Variants in TRABD2B observed in about 807,000 individuals in gnomAD.
The protein encoded by TRABD2B is metalloprotease TIKI2.
Under a neutral mutation model 40.1 loss-of-function variants are expected in TRABD2B, and 14 were observed. That is an observed-to-expected ratio of 0.35 (90% CI 0.23 to 0.55). The LOEUF (loss-of-function observed/expected upper bound fraction) is 0.55. Ranked by LOEUF, TRABD2B falls within the 20% of genes least tolerant of loss-of-function variation. The pLI is 0.90. For synonymous variants in TRABD2B, 263 were observed against 277.0 expected, an observed-to-expected ratio of 0.95 and a Z score of 0.50; for missense variants, 541 against 648.6, an observed-to-expected ratio of 0.83 and a Z score of 1.80.
chr1:47,892,598 G>A (rs1348179134), intron 2 of TRABD2B, among the ~76,000 whole-genome samples: 1 of 152,196 alleles, frequency 6.6e-6, no homozygotes, highest in Non-Finnish European at 1.5e-5. Context: ...AGAGTTTAGA[G>A]GTCAGAGAGG....
At chr1:47,987,691 C>G (rs1180592045) in intron 2 of TRABD2B, among the ~76,000 whole-genome samples, 1 of 152,184 alleles carries the variant, frequency 6.6e-6, no homozygotes, top group Non-Finnish European at 1.5e-5. Flanking sequence ...GGGTTCTTCA[C>G]AAACAGCCCT....
chr1:47,785,329 C>G (rs1644581205), intron 4 of TRABD2B, among the ~76,000 whole-genome samples: 1 of 152,100 alleles, frequency 6.6e-6, no homozygotes, highest in Admixed American at 6.5e-5. Context: ...AGCTGAGGGT[C>G]GAAGAGCACT....
intron 2 of TRABD2B, chr1:47,818,256 T>A (rs1570034536): frequency 6.6e-6 from 1 of 152,490 alleles, no homozygotes; most frequent in Non-Finnish European, 1.5e-5. Flanking sequence ...CACCAGCTCA[T>A]GATGCACACA....
Position 47,813,567 on chromosome 1 carries a change from CTT to C in TRABD2B, c.667-11950_667-11949del, listed in dbSNP as rs1644992843. ...TTATTCTGGCTCTTTGGGGCAGACTCTTCTCTTCTCTTTGCTGCGTCTCAGCT... is the reference window on the plus strand; with the variant it reads ...TTATTCTGGCTCTTTGGGGCAGACTCCTCTTCTCTTTGCTGCGTCTCAGCT... On this transcript the variant is annotated intron_variant, in intron 2 of 6. Transcript: ENST00000606738. This position sits in a 1 kb window ranked among gnomAD's most constrained non-coding sequence, Gnocchi z 4.3. 6.6e-6 allele frequency among the ~76,000 whole-genome samples: 1 copy of C among 152,140 alleles called. No individual in the cohort carries two copies. The highest frequency in any genetic ancestry group is 2.1e-4 in the South Asian group (1 of 4,828).
intron 2 of TRABD2B, among the ~76,000 whole-genome samples, chr1:47,971,212 C>T (rs1373857423): frequency 1.3e-5 from 2 of 152,172 alleles, no homozygotes; most frequent in Non-Finnish European, 2.9e-5. Context: ...ATTCAGTGCA[C>T]ATAAGCTAAC....
At chr1:47,789,388 G>A (rs1644639678) in intron 4 of TRABD2B, among the ~76,000 whole-genome samples, 1 of 152,082 alleles carries the variant, frequency 6.6e-6, no homozygotes, top group South Asian at 2.1e-4. Context: ...CCCTAATCTC[G>A]GTCCCCAGCA....
intron 2 of TRABD2B, among the ~76,000 whole-genome samples, chr1:47,991,923 A>G (rs190016944): frequency 4.4e-4 from 66 of 150,630 alleles, no homozygotes; most frequent in African/African-American, 1.6e-3. Flanking sequence ...TAATGACCTC[A>G]TCTGCCTAGG....
Position 47,843,205 on chromosome 1 carries a change from T to A in TRABD2B, c.667-41586A>T, listed in dbSNP as rs181255685. On this transcript the variant is annotated intron_variant, in intron 2 of 6. Coordinates refer to ENST00000606738, the MANE Select transcript of TRABD2B (RefSeq NM_001194986.2). Reference sequence around the variant, plus strand: ...CAAGGAGGGAGCCACTGGAGGGTTTTAAGCCGGGGGCATAAGACCTGATTT... The same window carrying A: ...CAAGGAGGGAGCCACTGGAGGGTTTAAAGCCGGGGGCATAAGACCTGATTT... 7.6e-3 allele frequency among the ~76,000 whole-genome samples: 1,159 copies of A among 152,262 alleles called. 12 individuals carry two copies. Among genetic ancestry groups the A allele is most frequent in the Non-Finnish European group, 0.012 (821 of 68,018 alleles).
At chr1:47,976,869 C>T (rs1645762985) in intron 2 of TRABD2B, among the ~76,000 whole-genome samples, 1 of 152,060 alleles carries the variant, frequency 6.6e-6, no homozygotes, top group Admixed American at 6.5e-5. Context: ...GATTCACATG[C>T]AGTTGTAAGA....
chr1:47,818,972 AG>A (rs1411354233), intron 2 of TRABD2B: 1 of 152,254 alleles, frequency 6.6e-6, no homozygotes, highest in Non-Finnish European at 1.5e-5. Context: ...TTATGTTTCC[AG>A]GGCCTGGGCT....
Position 47,994,160 on chromosome 1 carries a change from G to A in TRABD2B, c.540C>T (p.Phe180=). The part of the protein sequence containing the change: ...VNSLTERDVR[F]RGVPVLDLYL... ...AGAGGTCGAGCACGGGCACACCACGGAAGCGCACGTCCCTCTCTGTGAGCG... is the reference window on the plus strand; with the variant it reads ...AGAGGTCGAGCACGGGCACACCACGAAAGCGCACGTCCCTCTCTGTGAGCG... Residue 180 remains phenylalanine, a synonymous_variant, in exon 2 of 7, where the codon TTC becomes TTT. Transcript: ENST00000606738. This position sits in a 1 kb window ranked among gnomAD's most constrained non-coding sequence, Gnocchi z 6.7. The A allele has an allele frequency of 6.5e-7, 1 of 1,536,712 alleles. No homozygotes were observed. Among genetic ancestry groups the A allele is most frequent in the Non-Finnish European group, 8.7e-7 (1 of 1,147,046 alleles).
intron 2 of TRABD2B, among the ~76,000 whole-genome samples, chr1:47,891,822 AAAC>A (rs960357317): frequency 4.6e-5 from 7 of 152,018 alleles, no homozygotes; most frequent in African/African-American, 1.7e-4. Context: ...AAACAAAACA[AAAC>A]AACAACAACA....
Position 47,994,601 on chromosome 1 carries a change from C to G in TRABD2B, c.103-4G>C, listed in dbSNP as rs965878130. On this transcript the variant is annotated splice_polypyrimidine_tract_variant and splice_region_variant and intron_variant, in intron 1 of 6. Transcript: ENST00000606738. This position sits in a 1 kb window ranked among gnomAD's most constrained non-coding sequence, Gnocchi z 6.7. ...GGAAGGAGTTCAAGTCCCTCTGCTG[C>G]AGGAGTAGAGAAGAGGCAAGGCAGT... The G allele has an allele frequency of 2.6e-6, 4 of 1,532,600 alleles. No homozygotes were observed. In the Admixed American group the frequency reaches 7.9e-5, roughly 30 times the overall value. 94.9% of individuals were successfully genotyped at this position (1,532,600 alleles called of 1,614,324 possible). A position where few individuals can be genotyped will look rare whatever the true frequency, so the allele number is the denominator to read the frequency against.
chr1:47,966,458 C>T (rs893700818), intron 2 of TRABD2B, among the ~76,000 whole-genome samples: 3 of 152,160 alleles, frequency 2.0e-5, no homozygotes, highest in Admixed American at 1.3e-4. Context: ...AAAAAGGAGG[C>T]GCTCACCAGA....
chr1:47,814,104 C>G (rs755204076), intron 2 of TRABD2B, among the ~76,000 whole-genome samples: 2 of 152,240 alleles, frequency 1.3e-5, no homozygotes, highest in Non-Finnish European at 2.9e-5. Flanking sequence ...ATTTGCCACA[C>G]AGAAGGGAAA....
chr1:47,902,466 G>A (rs1644614305), intron 2 of TRABD2B, among the ~76,000 whole-genome samples: 1 of 152,112 alleles, frequency 6.6e-6, no homozygotes. Context: ...ATACTCTAAG[G>A]CCAGCACTGG....
chr1:47,909,425 GGAGA>G (rs138436084), intron 2 of TRABD2B, among the ~76,000 whole-genome samples: 2 of 148,640 alleles, frequency 1.3e-5, no homozygotes, highest in Admixed American at 6.7e-5. Context: ...AGAGAGAAGG[GGAGA>G]GAGAGAGAGA....
chr1:47,848,046 C>T (rs1241846097), intron 2 of TRABD2B, among the ~76,000 whole-genome samples: 1 of 152,176 alleles, frequency 6.6e-6, no homozygotes, highest in South Asian at 2.1e-4. Flanking sequence ...TGCTCCACCC[C>T]GTTTTACTCT....
At chr1:47,866,754 T>C (rs1456622761) in intron 2 of TRABD2B, among the ~76,000 whole-genome samples, 1 of 152,150 alleles carries the variant, frequency 6.6e-6, no homozygotes, top group East Asian at 1.9e-4. Context: ...CCAATGGTTG[T>C]GCTCCCCCTT....
Sources: allele counts gnomAD v4.1 joint callset (sites outside exome capture counted in the v4.1 genomes callset), GRCh38; gene constraint gnomAD v4.1.1; non-coding constraint Gnocchi (gnomAD v3.1); transcripts MANE v1.5; gene names NCBI Gene and HGNC (gene_info 2026-07-23, HGNC 2026-07-21).